The following NLRP3 variants were observed in gnomAD, a reference collection of about 807,000 sequenced individuals.
NLRP3 encodes the protein NACHT, LRR and PYD domains-containing protein 3.
In NLRP3, 48 loss-of-function variants were observed where a neutral mutation model predicts 91.3. The ratio of observed to expected loss-of-function variants is 0.53; its 90% CI spans 0.42 to 0.67. The LOEUF (loss-of-function observed/expected upper bound fraction) is 0.67, where lower values mean the gene tolerates loss of function less well. Ranked by LOEUF, NLRP3 falls within the 30% of genes least tolerant of loss-of-function variation. NLRP3 has a pLI of 0.00. For synonymous variants in NLRP3, 561 were observed against 507.9 expected, an observed-to-expected ratio of 1.10 and a Z score of -1.41; for missense variants, 982 against 1,276.9, an observed-to-expected ratio of 0.77 and a Z score of 3.52.
chr1:247,436,014 C>G lies in NLRP3; in HGVS notation c.2537C>G (p.Ala846Gly), dbSNP rs1198060022. The change falls in exon 7 of 10, where the codon GCA becomes GGA. Residue 846 changes from alanine to glycine, a missense_variant. By Grantham distance (60) the Ala-to-Gly change is moderately conservative (BLOSUM62 0). Coordinates refer to ENST00000336119, the MANE Select transcript of NLRP3 (RefSeq NM_001243133.2). ...ACATCAGCATGTTGTCAGGATCTTG[C>G]ATCAGTATTGAGCACCAGCCATTCC... ...CLTSACCQDL[A>G]SVLSTSHSLT... is the part of the protein sequence containing the mutation. 6.2e-7 allele frequency: 1 copy of G among 1,614,118 alleles called. No homozygotes were observed. Among genetic ancestry groups the G allele is most frequent in the African/African-American group, 1.3e-5 (1 of 75,026 alleles).
intron 7 of NLRP3, among the ~76,000 whole-genome samples, chr1:247,436,453 T>C (rs900964324): frequency 1.3e-5 from 2 of 152,220 alleles, no homozygotes; most frequent in Admixed American, 1.3e-4. Flanking sequence ...ACCCATTTTA[T>C]GTGTGCATGC....
chr1:247,420,332 T>G (rs1033781109), intron 2 of NLRP3, among the ~76,000 whole-genome samples: 2 of 152,254 alleles, frequency 1.3e-5, no homozygotes, highest in African/African-American at 4.8e-5. Flanking sequence ...GATATATGAT[T>G]TACAAATATT....
intron 9 of NLRP3, among the ~76,000 whole-genome samples, chr1:247,446,605 T>C (rs1434190200): frequency 6.6e-6 from 1 of 152,226 alleles, no homozygotes. Context: ...CATTATTCCC[T>C]GTACCTTCCT....
At chr1:247,426,707 G>T (rs1268592876) in intron 4 of NLRP3, among the ~76,000 whole-genome samples, 1 of 152,222 alleles carries the variant, frequency 6.6e-6, no homozygotes, top group Non-Finnish European at 1.5e-5. Flanking sequence ...GGGACAGTCC[G>T]GAAACAAGTG....
rs560507201 is a variant in NLRP3, at chr1:247,443,608, G to T, written c.2664-364G>T. Among the ~76,000 whole-genome samples, 3 of 151,912 alleles carry T rather than the reference G, an allele frequency of 2.0e-5. No individual in the cohort carries two copies. The East Asian group carries it at 5.8e-4, about 29-fold the overall frequency. ...GCAGTGTGGGTGTCTGCAGTGTTAC[G>T]GGGATTATTAGTTGAGGATAACCAC... On this transcript the variant is annotated intron_variant, in intron 7 of 9. Transcript: ENST00000336119.
chr1:247,440,628 A>C (rs1664142386), intron 7 of NLRP3, among the ~76,000 whole-genome samples: 1 of 152,076 alleles, frequency 6.6e-6, no homozygotes, highest in Non-Finnish European at 1.5e-5. Context: ...ACTTGCTATG[A>C]TGCTCAGGCT....
chr1:247,433,058 A>G (rs1165102998), intron 5 of NLRP3, among the ~76,000 whole-genome samples: 1 of 151,722 alleles, frequency 6.6e-6, no homozygotes, highest in African/African-American at 2.4e-5. Flanking sequence ...ATAAAATAAA[A>G]TGGCTAAGCA....
In NLRP3 at chr1:247,418,911, C is replaced by T. The variant is rs145314485; in HGVS notation, c.111C>T (p.Ile37=). 6.2e-6 allele frequency: 10 copies of T among 1,613,970 alleles called. No individual in the cohort carries two copies. Among genetic ancestry groups the T allele is most frequent in the African/African-American group, 4.0e-5 (3 of 74,906 alleles). Residue 37 remains isoleucine (I), a synonymous_variant, in exon 2 of 10, where the codon ATC becomes ATT. Coordinates refer to ENST00000336119, the MANE Select transcript of NLRP3 (RefSeq NM_001243133.2). ...LEDYPPQKGC[I]PLPRGQTEKA... ...ACTATCCTCCCCAGAAGGGCTGCAT[C>T]CCCCTCCCGAGGGGTCAGACAGAGA...
chr1:247,424,407 T>A lies in NLRP3; in HGVS notation c.958T>A (p.Trp320Arg). 6.2e-7 allele frequency: 1 copy of A among 1,614,126 alleles called. No homozygotes were observed. The change falls in exon 4 of 10, where the codon TGG becomes AGG. Residue 320 changes from tryptophan to arginine, a missense_variant. Trp to Arg is a moderately radical substitution (Grantham distance 101). Coordinates refer to ENST00000336119, the MANE Select transcript of NLRP3 (RefSeq NM_001243133.2). This position sits in a 1 kb window ranked among gnomAD's most constrained non-coding sequence, Gnocchi z 8.1. ...GCACATAGGACCGCTCTGCACTGAC[T>A]GGCAGAAGGCCGAGCGGGGAGACAT... ...DEHIGPLCTD[W>R]QKAERGDILL...
At chr1:247,443,861 C>T in intron 7 of NLRP3, 111 bp from the exon 8 acceptor site, 1 of 1,039,776 alleles carries the variant, frequency 9.6e-7, no homozygotes, top group South Asian at 1.3e-5. Flanking sequence ...CTCCTGCTCT[C>T]TGAGCTGAAG....
At chr1:247,422,611 C>T (rs546741624) in intron 2 of NLRP3, among the ~76,000 whole-genome samples, 12 of 152,200 alleles carry the variant, frequency 7.9e-5, no homozygotes, top group African/African-American at 2.9e-4. Flanking sequence ...CTGGGCCTCA[C>T]CTCAGAGGGA....
At chr1:247,428,777 G>A (rs1238938282) in intron 4 of NLRP3, among the ~76,000 whole-genome samples, 1 of 152,092 alleles carries the variant, frequency 6.6e-6, no homozygotes, top group East Asian at 1.9e-4. Flanking sequence ...CTATGATCAT[G>A]GCACTGCATT....
At chr1:247,436,373 C>G (rs1209982905) in intron 7 of NLRP3, among the ~76,000 whole-genome samples, 1 of 152,086 alleles carries the variant, frequency 6.6e-6, no homozygotes, top group Non-Finnish European at 1.5e-5. Flanking sequence ...TGGAAGAAAC[C>G]TTAGAGATGG....
At chr1:247,434,303 T>G in intron 6 of NLRP3, 30 bp downstream of exon 6, 3 of 1,613,642 alleles carry the variant, frequency 1.9e-6, no homozygotes, top group Non-Finnish European at 2.5e-6. Flanking sequence ...CTAAGGAAGT[T>G]CTGCCAGCGA....
Position 247,440,183 on chromosome 1 carries a change from G to A in NLRP3, c.2664-3789G>A, listed in dbSNP as rs190284300. On this transcript the variant is annotated intron_variant, in intron 7 of 9. Transcript: ENST00000336119. ...CTCGAACTTTGGGTCCTCATCTCTG[G>A]CTGCATATTGTGTACTGCCTGTCTC... 6.6e-5 allele frequency among the ~76,000 whole-genome samples: 10 copies of A among 152,192 alleles called. No homozygotes were observed. The East Asian group carries it at 1.7e-3, about 26-fold the overall frequency.
At chr1:247,423,668 T>C (rs540278557) in intron 3 of NLRP3, among the ~76,000 whole-genome samples, 179 bp from the exon 4 acceptor site, 3 of 152,092 alleles carry the variant, frequency 2.0e-5, no homozygotes, top group African/African-American at 7.2e-5. Flanking sequence ...TGCTCAGCTG[T>C]GTATCTTAAA....
In NLRP3 at chr1:247,425,819, ATGTT is replaced by A; in HGVS notation, c.2150+223_2150+226del. The A allele has an allele frequency of 1.7e-6, 1 of 575,568 alleles. No homozygotes were observed. The highest frequency in any genetic ancestry group is 3.1e-6 in the Non-Finnish European group (1 of 322,248). The allele number at this position is 575,568 out of a possible 1,614,324, so 35.7% of individuals were successfully genotyped here. On this transcript the variant is annotated intron_variant, in intron 4 of 9. Coordinates refer to ENST00000336119, the MANE Select transcript of NLRP3 (RefSeq NM_001243133.2). This position sits in a 1 kb window ranked among gnomAD's most constrained non-coding sequence, Gnocchi z 4.1. ...AAAAAAAAAATAAAACAAGGAACAA[ATGTT>A]TGGGGAATGCCAGTTTAGCACAAGG...
intron 7 of NLRP3, among the ~76,000 whole-genome samples, chr1:247,441,111 TTC>T (rs201907901): frequency 3.6e-4 from 49 of 135,106 alleles, no homozygotes; most frequent in Admixed American, 1.3e-3. Context: ...CCTCCTTTCT[TTC>T]TCTCTTTTTC....
At chr1:247,432,709 G>A (rs927672415) in intron 5 of NLRP3, among the ~76,000 whole-genome samples, 3 of 152,166 alleles carry the variant, frequency 2.0e-5, no homozygotes, top group African/African-American at 4.8e-5. Flanking sequence ...TGTAAGGATA[G>A]GGACAGAAAG....
Sources: gnomAD v4.1 joint callset for allele counts (sites outside exome capture counted in the v4.1 genomes callset) on GRCh38, gnomAD v4.1.1 for gene constraint, Gnocchi (gnomAD v3.1) non-coding constraint, MANE v1.5 for transcripts, NCBI Gene and HGNC (gene_info 2026-07-23, HGNC 2026-07-21) for gene names.